KLRF1: variants seen among roughly 807,000 people sequenced by gnomAD.
KLRF1 encodes the protein killer cell lectin-like receptor subfamily F member 1.
KLRF1 carries 27 observed loss-of-function variants against 30.7 expected under a neutral mutation model. That is an observed-to-expected ratio of 0.88 (90% CI 0.65 to 1.21). The LOEUF (loss-of-function observed/expected upper bound fraction) is 1.21. Ranked by LOEUF, KLRF1 falls within the 50% of genes most tolerant of loss-of-function variation. KLRF1 has a pLI of 0.00. For synonymous variants in KLRF1, 92 were observed against 89.3 expected (o/e 1.03, Z -0.17); for missense variants, 246 against 259.3 (o/e 0.95, Z 0.35).
At position 9,833,448 on chromosome 12, in the gene KLRF1, G is replaced by GAC; in HGVS notation, c.332_333dup (p.Val112GlnfsTer22). 6.2e-7 allele frequency: 1 copy of GAC among 1,603,028 alleles called. No homozygotes were observed. The highest frequency in any genetic ancestry group is 8.5e-7 in the Non-Finnish European group (1 of 1,175,520). On this transcript the variant is annotated frameshift_variant, in exon 3 of 6. Coordinates refer to ENST00000617889, the MANE Select transcript of KLRF1 (RefSeq NM_016523.3). LOFTEE classifies it high-confidence loss of function. ...TTTGTGCTTCGAGATCTGCAGACCA[G>GAC]ACAGGTATGTCTCAAGGCTTTGGCT...
Position 9,832,419 on chromosome 12 carries a change from G to A in KLRF1, c.184+5G>A, listed in dbSNP as rs750323731. Reference sequence around the variant, plus strand: ...TGATCTCCTTGATCCTGTTGGGTAAGTTTAGAAGATCTTAATTAAATAAAA... The same window carrying A: ...TGATCTCCTTGATCCTGTTGGGTAAATTTAGAAGATCTTAATTAAATAAAA... On this transcript the variant is annotated splice_donor_5th_base_variant and intron_variant, in intron 2 of 5. Transcript: ENST00000617889. 1.4e-5 allele frequency: 21 copies of A among 1,477,382 alleles called. No individual in the cohort carries two copies. Among genetic ancestry groups the A allele is most frequent in the Non-Finnish European group, 1.9e-5 (20 of 1,059,568 alleles). 91.5% of individuals were successfully genotyped at this position (1,477,382 alleles called of 1,614,324 possible).
chr12:9,828,664 C>T lies in KLRF1; in HGVS notation c.85+1035C>T, dbSNP rs185875301. Among the ~76,000 whole-genome samples, 57 of 152,260 alleles carry T rather than the reference C, an allele frequency of 3.7e-4. 1 individual carries two copies. Among genetic ancestry groups the T allele is most frequent in the African/African-American group, 1.3e-3 (55 of 41,564 alleles). On this transcript the variant is annotated intron_variant, in intron 1 of 5. Transcript: ENST00000617889. ...CTTCACCCATGAAAATTTTACTTATCTCTTGAGTCCTTCCACAAGTATCAT... is the reference window on the plus strand; with the variant it reads ...CTTCACCCATGAAAATTTTACTTATTTCTTGAGTCCTTCCACAAGTATCAT...
At position 9,837,353 on chromosome 12, in the gene KLRF1, T is replaced by C. The variant is rs548766752; in HGVS notation, c.334+3901T>C. Among the ~76,000 whole-genome samples, 503 of 151,654 alleles carry C rather than the reference T, an allele frequency of 3.3e-3. 3 individuals are homozygous for C. Among genetic ancestry groups the C allele is most frequent in the African/African-American group, 0.012 (479 of 41,454 alleles). The stretch of plus-strand genomic sequence containing the variant: ...ACATATATACTTATATGTATCTCTA[T>C]ATCTATAAATACATATATATTTATA... On this transcript the variant is annotated intron_variant, in intron 3 of 5. Coordinates refer to ENST00000617889, the MANE Select transcript of KLRF1 (RefSeq NM_016523.3).
the KLRF1 span, among the ~76,000 whole-genome samples, chr12:9,812,008 A>G: frequency 2.0e-5 from 3 of 152,182 alleles, no homozygotes; most frequent in African/African-American, 7.2e-5. Flanking sequence ...TTTGTACATA[A>G]TCTCCACAAG....
intron 5 of KLRF1, 116 bp downstream of exon 5, chr12:9,842,549 A>G (rs1867728492): frequency 1.2e-6 from 1 of 860,400 alleles, no homozygotes; most frequent in East Asian, 2.8e-5. Flanking sequence ...CAAAAGAATG[A>G]AAATTAATTT....
intron 1 of KLRF1, among the ~76,000 whole-genome samples, chr12:9,830,013 G>T (rs746637985): frequency 1.6e-4 from 24 of 152,178 alleles, no homozygotes; most frequent in Admixed American, 5.2e-4. Flanking sequence ...CTGTCATTAA[G>T]CTTAGGGAGA....
At chr12:9,831,375 C>A (rs1867424345) in intron 1 of KLRF1, among the ~76,000 whole-genome samples, 1 of 152,104 alleles carries the variant, frequency 6.6e-6, no homozygotes, top group Non-Finnish European at 1.5e-5. Context: ...CATGTGCTTT[C>A]TTGACAGGGC....
At position 9,844,405 on chromosome 12, in the gene KLRF1, C is replaced by G; in HGVS notation, c.588-13C>G. 1 of 1,380,386 alleles carries G rather than the reference C, an allele frequency of 7.2e-7. No homozygotes were observed. Among genetic ancestry groups the G allele is most frequent in the Non-Finnish European group, 1.0e-6 (1 of 969,552 alleles). 85.5% of individuals were successfully genotyped at this position (1,380,386 alleles called of 1,614,324 possible). On this transcript the variant is annotated splice_polypyrimidine_tract_variant and intron_variant, in intron 5 of 5. Transcript: ENST00000617889. Reference sequence around the variant, plus strand: ...TACAGTGATTAACAAAGTATTTATTCTCTCTTCCCTAGATTCTTCATAAAG... The same window carrying G: ...TACAGTGATTAACAAAGTATTTATTGTCTCTTCCCTAGATTCTTCATAAAG...
chr12:9,819,594 C>G, the KLRF1 span, among the ~76,000 whole-genome samples: 1 of 152,286 alleles, frequency 6.6e-6, no homozygotes, highest in East Asian at 1.9e-4. Flanking sequence ...AATCTCCTCA[C>G]TGAGGTCCAC....
chr12:9,812,440 G>A, the KLRF1 span, among the ~76,000 whole-genome samples: 1 of 151,726 alleles, frequency 6.6e-6, no homozygotes, highest in Non-Finnish European at 1.5e-5. Flanking sequence ...TCTGACTTAT[G>A]GCAGGACAGC....
the KLRF1 span, among the ~76,000 whole-genome samples, chr12:9,818,208 CTGGCCATA>C: frequency 2.0e-5 from 3 of 152,224 alleles, no homozygotes; most frequent in Non-Finnish European, 2.9e-5. Context: ...CTGAGCTCTT[CTGGCCATA>C]GAAGACCCGT....
upstream of KLRF1, among the ~76,000 whole-genome samples, chr12:9,824,743 A>C (rs373392810): frequency 4.6e-5 from 7 of 152,210 alleles, no homozygotes; most frequent in East Asian, 1.3e-3. Flanking sequence ...AAGCTCCTTC[A>C]ACTGATAAAC....
Position 9,827,678 on chromosome 12 carries a change from G to C in KLRF1, c.85+49G>C, listed in dbSNP as rs768063267. The C allele has an allele frequency of 1.4e-5, 15 of 1,047,656 alleles. No individual in the cohort carries two copies. In the South Asian group the frequency reaches 1.7e-4, roughly 12 times the overall value. 64.9% of individuals were successfully genotyped at this position (1,047,656 alleles called of 1,614,324 possible). A position where few individuals can be genotyped will look rare whatever the true frequency, so the allele number is the denominator to read the frequency against. On this transcript the variant is annotated intron_variant, in intron 1 of 5. Transcript: ENST00000617889. ...TCAATTGGTGTGAATTAACATGGTAGTTTCCCGTATCCTGTTCCATTGTGT... is the reference window on the plus strand; with the variant it reads ...TCAATTGGTGTGAATTAACATGGTACTTTCCCGTATCCTGTTCCATTGTGT...
the KLRF1 span, among the ~76,000 whole-genome samples, chr12:9,822,117 G>A: frequency 5.3e-5 from 8 of 152,222 alleles, no homozygotes; most frequent in Non-Finnish European, 1.0e-4. Context: ...AGTTTCTTAT[G>A]TCCTCCAAAT....
the KLRF1 span, among the ~76,000 whole-genome samples, chr12:9,815,305 A>G: frequency 6.6e-6 from 1 of 152,216 alleles, no homozygotes; most frequent in Admixed American, 6.5e-5. Flanking sequence ...AATGAATTCA[A>G]AATTTATTTG....
At chr12:9,825,534 C>A (rs1475637727), upstream of KLRF1, among the ~76,000 whole-genome samples, 1 of 152,012 alleles carries the variant, frequency 6.6e-6, no homozygotes, top group African/African-American at 2.4e-5. Context: ...ATACTTATGT[C>A]TAAAACCCCA....
chr12:9,813,655 A>C, the KLRF1 span, among the ~76,000 whole-genome samples: 1 of 152,134 alleles, frequency 6.6e-6, no homozygotes, highest in South Asian at 2.1e-4. Context: ...CAGACTTGGA[A>C]TACAGCATCT....
intron 5 of KLRF1, 148 bp from the exon 6 acceptor site, chr12:9,844,270 G>C (rs2136970262): frequency 1.9e-6 from 1 of 514,938 alleles, no homozygotes; most frequent in East Asian, 3.5e-5. Context: ...CTAAGTTACA[G>C]TTACTGTAAT....
chr12:9,841,549 T>C (rs978408904), intron 3 of KLRF1, among the ~76,000 whole-genome samples: 2 of 152,134 alleles, frequency 1.3e-5, no homozygotes, highest in Non-Finnish European at 2.9e-5. Flanking sequence ...ATTTTGTTCA[T>C]GCTATTTTAG....
Sources: allele counts gnomAD v4.1 joint callset (sites outside exome capture counted in the v4.1 genomes callset), GRCh38; gene constraint gnomAD v4.1.1; transcripts MANE v1.5; gene names NCBI Gene and HGNC (gene_info 2026-07-23, HGNC 2026-07-21).